Variants in NBPF8 observed in about 807,000 individuals in gnomAD.
The protein encoded by NBPF8 is NBPF family member NBPF8.
At chr1:120,452,574 T>G (rs1374282302) in intron 13 of NBPF8, among the ~76,000 whole-genome samples, 1 of 152,176 alleles carries the variant, frequency 6.6e-6, no homozygotes, top group Non-Finnish European at 1.5e-5. Flanking sequence ...AGAGGCAGCA[T>G]CTGTCTAGTT....
At position 120,459,607 on chromosome 1, in the gene NBPF8, C is replaced by T. The variant is rs1273341226; in HGVS notation, n.2784+77C>T. On this transcript the variant is annotated intron_variant and non_coding_transcript_variant, in intron 17 of 24. Coordinates refer to ENST00000583271, the Ensembl canonical transcript of NBPF8. ...ACCCCATAATCTTTGGGCCTTGTGC[C>T]GCTTGTTGGGCTGAGATTTGCCATC... 235 of 1,373,062 alleles carry T rather than the reference C, an allele frequency of 1.7e-4. 20 individuals are homozygous for T. The Admixed American group carries it at 3.4e-3, about 20-fold the overall frequency. The allele number at this position is 1,373,062 out of a possible 1,614,324, so 85.1% of individuals were successfully genotyped here.
intron 24 of NBPF8, 88 bp downstream of exon 22, chr1:120,465,459 G>A (rs1386371167): frequency 1.0e-5 from 5 of 498,778 alleles, no homozygotes; most frequent in East Asian, 2.8e-5. Flanking sequence ...TTGATGTCAC[G>A]TTTTCAACGA....
chr1:120,464,111 C>A (rs1661664692), intron 22 of NBPF8, among the ~76,000 whole-genome samples: 1 of 42,620 alleles, frequency 2.3e-5, no homozygotes, highest in African/African-American at 2.4e-4. Flanking sequence ...ATTCACTGAG[C>A]TCGTTCTCTC....
rs1477816467 is a variant in NBPF8, at chr1:120,422,931, T to G, written n.269+2813T>G. ...TATGCTTATTTGCCATCTGTATATC[T>G]TATTAATGAGGTGTTCAGATCTTTC... On this transcript the variant is annotated intron_variant and non_coding_transcript_variant, in intron 1 of 28. Coordinates refer to the NBPF8 transcript ENST00000652355. 1.2e-4 allele frequency among the ~76,000 whole-genome samples: 13 copies of G among 107,682 alleles called. 1 individual carries two copies. The highest frequency in any genetic ancestry group is 6.5e-4 in the African/African-American group (13 of 20,078). 70.6% of individuals were successfully genotyped at this position (107,682 alleles called of 152,430 possible). A position where few individuals can be genotyped will look rare whatever the true frequency, so the allele number is the denominator to read the frequency against.
At chr1:120,468,608 C>T (rs1661815283), downstream of NBPF8, among the ~76,000 whole-genome samples, 1 of 150,390 alleles carries the variant, frequency 6.6e-6, no homozygotes, top group Non-Finnish European at 1.5e-5. Flanking sequence ...CACCATGAGT[C>T]TCCAGAGGAT....
At chr1:120,459,709 G>T (rs1160570685) in intron 17 of NBPF8, among the ~76,000 whole-genome samples, 179 bp downstream of exon 15, 1 of 151,942 alleles carries the variant, frequency 6.6e-6, no homozygotes, top group Non-Finnish European at 1.5e-5. Flanking sequence ...CATGGGGTGG[G>T]TCAGTGAGCT....
At chr1:120,428,723 C>T (rs1199201144) in intron 3 of NBPF8, among the ~76,000 whole-genome samples, 34 of 151,010 alleles carry the variant, frequency 2.3e-4, no homozygotes, top group Non-Finnish European at 3.1e-4. Context: ...TTCTCTTGCA[C>T]GTTCCCTCAG....
chr1:120,425,654 TC>T (rs1660704764), intron 1 of NBPF8, among the ~76,000 whole-genome samples: 1 of 152,010 alleles, frequency 6.6e-6, no homozygotes, highest in African/African-American at 2.4e-5. Flanking sequence ...TGTGTCTCTT[TC>T]TTTTCCAAGT....
intron 15 of NBPF8, 139 bp downstream of exon 13, chr1:120,454,253 G>A: frequency 6.4e-7 from 1 of 1,551,242 alleles, no homozygotes; most frequent in South Asian, 1.2e-5. Context: ...GAGTTTTTTT[G>A]TCCTTCACAG....
chr1:120,465,334 A>G lies in NBPF8; in HGVS notation n.3531A>G, dbSNP rs1317065422. The stretch of plus-strand genomic sequence containing the variant: ...AAAGAAGAAAAGAAGAAGGGGAAGA[A>G]AAGAAGGGGAAGAAGATCAAAACCC... On this transcript the variant is annotated non_coding_transcript_exon_variant, in exon 24 of 25. Transcript: ENST00000583271. 30 of 677,306 alleles carry G rather than the reference A, an allele frequency of 4.4e-5. 1 individual carries two copies. The highest frequency in any genetic ancestry group is 7.9e-5 in the Non-Finnish European group (30 of 378,344). The allele number at this position is 677,306 out of a possible 1,614,324, so 42.0% of individuals were successfully genotyped here. A position where few individuals can be genotyped will look rare whatever the true frequency, so the allele number is the denominator to read the frequency against.
At chr1:120,428,094 A>C (rs1660770799) in intron 3 of NBPF8, among the ~76,000 whole-genome samples, 1 of 152,198 alleles carries the variant, frequency 6.6e-6, no homozygotes, top group Non-Finnish European at 1.5e-5. Flanking sequence ...TTATTGCAAA[A>C]TATTGCCTTG....
chr1:120,420,432 C>A (rs1660541766), intron 1 of NBPF8, among the ~76,000 whole-genome samples: 1 of 140,634 alleles, frequency 7.1e-6, no homozygotes, highest in South Asian at 2.3e-4. Flanking sequence ...CCATTCTCTG[C>A]CCCCATTTCC....
At chr1:120,432,647 A>G (rs1553247201), upstream of NBPF8, 18 of 147,050 alleles carry the variant, frequency 1.2e-4, no homozygotes, top group South Asian at 2.2e-4. Flanking sequence ...GAAAGAAGGC[A>G]GACACAAAAG....
upstream of NBPF8, among the ~76,000 whole-genome samples, chr1:120,431,692 A>AT (rs1248227638): frequency 4.7e-4 from 71 of 151,576 alleles, no homozygotes; most frequent in African/African-American, 1.7e-3. Context: ...GAAAAATGGT[A>AT]TGGCTCCTTT....
At chr1:120,424,359 GA>G (rs1660650905) in intron 1 of NBPF8, among the ~76,000 whole-genome samples, 2 of 151,658 alleles carry the variant, frequency 1.3e-5, no homozygotes, top group African/African-American at 4.8e-5. Context: ...GTGAGCACAA[GA>G]AAAGGAATTT....
chr1:120,423,501 T>G (rs1188987788), intron 1 of NBPF8, among the ~76,000 whole-genome samples: 1 of 100,894 alleles, frequency 9.9e-6, no homozygotes, highest in East Asian at 2.0e-4. Flanking sequence ...TTTCACCAAC[T>G]TCACACTATT....
At chr1:120,469,010 A>G (rs1460916648), downstream of NBPF8, among the ~76,000 whole-genome samples, 2 of 151,888 alleles carry the variant, frequency 1.3e-5, no homozygotes, top group Non-Finnish European at 2.9e-5. Context: ...GTGTATGTTG[A>G]GAAATTCAGC....
upstream of NBPF8, among the ~76,000 whole-genome samples, chr1:120,419,354 C>T (rs1660510878): frequency 6.6e-6 from 1 of 152,164 alleles, no homozygotes; most frequent in African/African-American, 2.4e-5. Flanking sequence ...GATGAGATTC[C>T]AAAGAAGCAT....
At chr1:120,420,557 GGGT>G in intron 1 of NBPF8, among the ~76,000 whole-genome samples, 1 of 150,812 alleles carries the variant, frequency 6.6e-6, no homozygotes, top group Admixed American at 6.6e-5. Flanking sequence ...GCACTGTCCT[GGGT>G]GGGGAGATGT....
Sources: gnomAD v4.1 joint callset for allele counts (sites outside exome capture counted in the v4.1 genomes callset) on GRCh38, gnomAD v4.1.1 for gene constraint, MANE v1.5 for transcripts, NCBI Gene and HGNC (gene_info 2026-07-23, HGNC 2026-07-21) for gene names.